The following ZNF362 variants were observed in gnomAD, a reference collection of about 807,000 sequenced individuals.
ZNF362 encodes rotund homolog.
ZNF362 carries 11 observed loss-of-function variants against 42.9 expected under a neutral mutation model. The ratio of observed to expected loss-of-function variants is 0.26; its 90% CI spans 0.16 to 0.42. The LOEUF is 0.42. ZNF362 is among the 20% of genes least tolerant of loss of function. ZNF362 has a pLI of 1.00. For synonymous variants in ZNF362, 255 were observed against 257.3 expected, an observed-to-expected ratio of 0.99 and a Z score of 0.09; for missense variants, 362 against 576.2, an observed-to-expected ratio of 0.63 and a Z score of 3.81.
At chr1:33,234,445 C>T in the ZNF362 span, among the ~76,000 whole-genome samples, 1 of 152,148 alleles carries the variant, frequency 6.6e-6, no homozygotes, top group Non-Finnish European at 1.5e-5. Context: ...GGCTTCTTTC[C>T]ACTTAAAAAA....
At chr1:33,251,930 A>G (rs1260492627), upstream of ZNF362, among the ~76,000 whole-genome samples, 1 of 152,202 alleles carries the variant, frequency 6.6e-6, no homozygotes, top group African/African-American at 2.4e-5. Flanking sequence ...TTTCCAGAGG[A>G]GCACTGTATT....
chr1:33,276,353 C>T lies in ZNF362; in HGVS notation c.108C>T (p.Asp36=). The T allele has an allele frequency of 1.3e-6, 2 of 1,553,318 alleles. No homozygotes were observed. Among genetic ancestry groups the T allele is most frequent in the South Asian group, 2.4e-5 (2 of 84,840 alleles). The change falls in exon 4 of 9, where the codon GAC becomes GAT. Residue 36 remains aspartate (D), a synonymous_variant. Coordinates refer to ENST00000539719, the MANE Select transcript of ZNF362 (RefSeq NM_152493.3). ...PPPPTMPSQL[D]NLVLINKIKE... is the part of the protein sequence containing the mutation. ...CCGTCCTCTTCTTCCCGCAGCTGGA[C>T]AACCTGGTTCTGATTAACAAGATCA...
upstream of ZNF362, among the ~76,000 whole-genome samples, chr1:33,252,370 AAC>A (rs1645765199): frequency 9.0e-6 from 1 of 110,876 alleles, no homozygotes; most frequent in Non-Finnish European, 2.1e-5. Flanking sequence ...CAACAACAAC[AAC>A]AACAACAACA....
intron 8 of ZNF362, 140 bp downstream of exon 8, chr1:33,295,445 C>T: frequency 8.7e-7 from 1 of 1,146,842 alleles, no homozygotes; most frequent in Non-Finnish European, 1.2e-6. Context: ...AAGTGACACC[C>T]TGAGATCACA....
chr1:33,282,337 A>G (rs1248251647), intron 6 of ZNF362, among the ~76,000 whole-genome samples: 5 of 152,244 alleles, frequency 3.3e-5, no homozygotes, highest in Non-Finnish European at 5.9e-5. Flanking sequence ...TGGAATAAAT[A>G]TAACTGGTTT....
At chr1:33,221,384 C>T in the ZNF362 span, among the ~76,000 whole-genome samples, 1 of 152,156 alleles carries the variant, frequency 6.6e-6, no homozygotes, top group Non-Finnish European at 1.5e-5. Flanking sequence ...TTTCAGGCAC[C>T]CCTGTCCCAA....
At chr1:33,193,020 TATAC>T in the ZNF362 span, among the ~76,000 whole-genome samples, 2 of 149,612 alleles carry the variant, frequency 1.3e-5, no homozygotes, top group Admixed American at 6.7e-5. Flanking sequence ...TATATATATA[TATAC>T]GCATATATAT....
intron 8 of ZNF362, among the ~76,000 whole-genome samples, chr1:33,296,819 G>A (rs1249083231): frequency 1.3e-5 from 2 of 148,862 alleles, no homozygotes; most frequent in Non-Finnish European, 3.0e-5. Flanking sequence ...GGACTGTCAG[G>A]AAGGGTTTTT....
the ZNF362 span, among the ~76,000 whole-genome samples, chr1:33,151,858 C>T: frequency 8.8e-4 from 134 of 152,230 alleles, no homozygotes; most frequent in African/African-American, 3.1e-3. Context: ...AGAAAGCCCT[C>T]CCGGGGCACA....
chr1:33,275,999 C>T, intron 2 of ZNF362, 101 bp from the exon 3 acceptor site: 1 of 1,351,590 alleles, frequency 7.4e-7, no homozygotes. Flanking sequence ...GGACATGGAT[C>T]CCAGACACTG....
chr1:33,181,534 G>A, the ZNF362 span: 6 of 1,446,130 alleles, frequency 4.1e-6, no homozygotes. The surrounding 1 kb of genome is among the most constrained non-coding windows in gnomAD (Gnocchi z 6.5). Flanking sequence ...CGGGGACGAG[G>A]CCCGCACAGG....
the ZNF362 span, among the ~76,000 whole-genome samples, chr1:33,187,082 A>G: frequency 2.0e-5 from 3 of 152,158 alleles, no homozygotes; most frequent in Non-Finnish European, 4.4e-5. Flanking sequence ...GAAATGGTAC[A>G]AAACCTCAGA....
At chr1:33,272,065 T>C (rs1402155928) in intron 2 of ZNF362, among the ~76,000 whole-genome samples, 1 of 152,102 alleles carries the variant, frequency 6.6e-6, no homozygotes, top group Non-Finnish European at 1.5e-5. Context: ...CGCTCTGTCC[T>C]GAGGAGCTGA....
chr1:33,220,321 T>G, the ZNF362 span, among the ~76,000 whole-genome samples: 1 of 152,174 alleles, frequency 6.6e-6, no homozygotes, highest in Non-Finnish European at 1.5e-5. Context: ...GTTTGTAGAT[T>G]GCTTACCATA....
the ZNF362 span, among the ~76,000 whole-genome samples, chr1:33,133,008 G>A: frequency 6.6e-6 from 1 of 152,382 alleles, no homozygotes; most frequent in Non-Finnish European, 1.5e-5. Context: ...GTGAAACCAG[G>A]AGTGCACTCC....
chr1:33,282,967 A>G (rs1410803781), intron 6 of ZNF362, among the ~76,000 whole-genome samples: 1 of 152,200 alleles, frequency 6.6e-6, no homozygotes, highest in East Asian at 1.9e-4. Flanking sequence ...GGGAAGCAGC[A>G]CCGTTTTCTC....
the ZNF362 span, among the ~76,000 whole-genome samples, chr1:33,240,310 G>A: frequency 2.0e-5 from 3 of 152,144 alleles, no homozygotes; most frequent in Non-Finnish European, 2.9e-5. Flanking sequence ...AGCGAGTCGC[G>A]CTTTTTAAGA....
At chr1:33,147,266 C>CT in the ZNF362 span, 2 of 1,614,140 alleles carry the variant, frequency 1.2e-6, no homozygotes, top group African/African-American at 2.7e-5. The surrounding 1 kb of genome is among the most constrained non-coding windows in gnomAD (Gnocchi z 8.1). Flanking sequence ...CAGAGCTTGC[C>CT]AGGGAACTTC....
the ZNF362 span, among the ~76,000 whole-genome samples, chr1:33,139,455 G>A: frequency 2.0e-5 from 3 of 152,294 alleles, no homozygotes; most frequent in East Asian, 5.8e-4. Context: ...TTCTTGGAAA[G>A]CCCAGGGTCA....
Sources: gnomAD v4.1 joint callset for allele counts (sites outside exome capture counted in the v4.1 genomes callset) on GRCh38, gnomAD v4.1.1 for gene constraint, Gnocchi (gnomAD v3.1) non-coding constraint, MANE v1.5 for transcripts, NCBI Gene and HGNC (gene_info 2026-07-23, HGNC 2026-07-21) for gene names.